CHD1L: variants seen among roughly 807,000 people sequenced by gnomAD.
CHD1L encodes chromodomain helicase DNA binding protein 1 like.
CHD1L carries 118 observed loss-of-function variants against 115.9 expected under a neutral mutation model. The observed-to-expected ratio is 1.02, with a 90% confidence interval of 0.88 to 1.19. The LOEUF (loss-of-function observed/expected upper bound fraction) is 1.19, where lower values mean the gene tolerates loss of function less well. CHD1L is among the 50% of genes most tolerant of loss of function. The pLI, the probability that CHD1L is intolerant of heterozygous loss-of-function variation, is 0.00. For missense variants in CHD1L, 1,179 were observed against 1,065.3 expected, an observed-to-expected ratio of 1.11 and a Z score of -1.49; for synonymous variants, 411 against 387.1, an observed-to-expected ratio of 1.06 and a Z score of -0.72.
rs587768473 is a variant in CHD1L, at chr1:147,264,551, C to T, written c.706C>T (p.Arg236Cys). Residue 236 changes from arginine to cysteine, a missense_variant, in exon 7 of 23, where the codon CGC (arginine) becomes TGC (cysteine). Arg to Cys is a radical substitution (Grantham distance 180). Coordinates refer to ENST00000369258, the MANE Select transcript of CHD1L (RefSeq NM_004284.6). Reference protein sequence around the residue: ...SKEEVGDFIQRYQDIEKESES... With the variant: ...SKEEVGDFIQCYQDIEKESES... Reference sequence around the variant, plus strand: ...GGAAGAGGTGGGAGATTTTATTCAACGCTACCAGGATATTGAGAAAGAATC... The same window carrying T: ...GGAAGAGGTGGGAGATTTTATTCAATGCTACCAGGATATTGAGAAAGAATC... 2.0e-5 allele frequency: 32 copies of T among 1,613,904 alleles called. No individual in the cohort carries two copies. Among genetic ancestry groups the T allele is most frequent in the South Asian group, 1.6e-4 (15 of 91,028 alleles).
In CHD1L at chr1:147,294,417, C is replaced by T. The variant is rs2103041406; in HGVS notation, c.2515C>T (p.His839Tyr). The T allele has an allele frequency of 6.2e-7, 1 of 1,609,276 alleles. No individual in the cohort carries two copies. The highest frequency in any genetic ancestry group is 8.5e-7 in the Non-Finnish European group (1 of 1,177,838). Reference sequence around the variant, plus strand: ...TCTTCTCTTCATAATAGCAAGTGTTCATCTTCCACGTATTGGACATGCCAC... The same window carrying T: ...TCTTCTCTTCATAATAGCAAGTGTTTATCTTCCACGTATTGGACATGCCAC... ...LAAKKKKASV[H>Y]LPRIGHATKG... The change falls in exon 22 of 23, where the codon CAT becomes TAT. Residue 839 changes from histidine (H) to tyrosine (Y), a missense_variant. Transcript: ENST00000369258.
chr1:147,205,501 A>T, the CHD1L span, among the ~76,000 whole-genome samples: 1 of 152,118 alleles, frequency 6.6e-6, no homozygotes, highest in African/African-American at 2.4e-5. Context: ...AAATTTAGAG[A>T]CTCTCTACAA....
the CHD1L span, among the ~76,000 whole-genome samples, chr1:147,183,059 G>A: frequency 1.3e-3 from 196 of 152,268 alleles, 1 homozygote; most frequent in African/African-American, 4.5e-3. Context: ...TTAGCCAGGC[G>A]TGGTGGCGGA....
the CHD1L span, among the ~76,000 whole-genome samples, chr1:147,202,071 T>A: frequency 5.9e-5 from 9 of 152,330 alleles, no homozygotes; most frequent in Admixed American, 5.9e-4. Flanking sequence ...AATTGAGGCC[T>A]AGAAAAGTTA....
chr1:147,268,773 C>G lies in CHD1L; in HGVS notation c.989-9C>G, dbSNP rs782375131. 1 of 1,611,614 alleles carries G rather than the reference C, an allele frequency of 6.2e-7. No homozygotes were observed. The highest frequency in any genetic ancestry group is 1.3e-5 in the African/African-American group (1 of 74,856). ...GCACATTACTGGGAGTGGGTTCTTT[C>G]TTTTCTAGGTGTGGAGCCGGAGCCT... On this transcript the variant is annotated splice_polypyrimidine_tract_variant and intron_variant, in intron 9 of 22. Transcript: ENST00000369258.
In CHD1L at chr1:147,281,493, T is replaced by G. The variant is rs1572069911; in HGVS notation, c.1705+1302T>G. On this transcript the variant is annotated intron_variant, in intron 15 of 22. Transcript: ENST00000369258. The stretch of plus-strand genomic sequence containing the variant: ...TCCTTGTTGATCTGTATAGTTTTTG[T>G]GGGATAGGTGGAAAAGTTGGAATTT... Among the ~76,000 whole-genome samples the G allele has an allele frequency of 2.0e-5, 3 of 152,204 alleles. No homozygotes were observed. The South Asian group carries it at 6.2e-4, about 31-fold the overall frequency.
Position 147,272,195 on chromosome 1 carries a change from G to C in CHD1L, c.1184G>C (p.Gly395Ala). 1 of 1,614,096 alleles carries C rather than the reference G, an allele frequency of 6.2e-7. No homozygotes were observed. Among genetic ancestry groups the C allele is most frequent in the African/African-American group, 1.3e-5 (1 of 75,052 alleles). Residue 395 changes from glycine to alanine, a missense_variant, in exon 12 of 23, where the codon GGT becomes GCT. Coordinates refer to ENST00000369258, the MANE Select transcript of CHD1L (RefSeq NM_004284.6). ...YRGYSYERVD[G>A]SVRGEERHLA... ...GGCTACAGCTATGAGCGTGTGGATG[G>C]TTCTGTGAGAGGAGAAGAGAGACAC...
At chr1:147,233,188 G>T in the CHD1L span, among the ~76,000 whole-genome samples, 2 of 150,198 alleles carry the variant, frequency 1.3e-5, no homozygotes, top group Non-Finnish European at 3.0e-5. Context: ...CTGCCCAGCC[G>T]CCCCGTCTGA....
chr1:147,202,902 TAAC>T, the CHD1L span, among the ~76,000 whole-genome samples: 7 of 152,124 alleles, frequency 4.6e-5, no homozygotes, highest in African/African-American at 1.7e-4. Context: ...TTTCTCCTCT[TAAC>T]ATCCCCAAGA....
chr1:147,286,019 T>C (rs1310795699), intron 17 of CHD1L, among the ~76,000 whole-genome samples: 1 of 152,160 alleles, frequency 6.6e-6, no homozygotes, highest in Non-Finnish European at 1.5e-5. Context: ...TTTTAAGATT[T>C]TATTGTAGCT....
At position 147,294,414 on chromosome 1, in the gene CHD1L, G is replaced by C. The variant is rs369192147; in HGVS notation, c.2512G>C (p.Val838Leu). Reference protein sequence around the residue: ...FLAAKKKKASVHLPRIGHATK... With the variant: ...FLAAKKKKASLHLPRIGHATK... The stretch of plus-strand genomic sequence containing the variant: ...TGTTCTTCTCTTCATAATAGCAAGT[G>C]TTCATCTTCCACGTATTGGACATGC... Residue 838 changes from valine (V) to leucine (L), a missense_variant, in exon 22 of 23, where the codon GTT becomes CTT. Transcript: ENST00000369258. 1.2e-6 allele frequency: 2 copies of C among 1,609,256 alleles called. No homozygotes were observed. The highest frequency in any genetic ancestry group is 1.7e-6 in the Non-Finnish European group (2 of 1,177,842).
chr1:147,288,340 AAAAAAAG>A (rs1684172426), intron 19 of CHD1L, among the ~76,000 whole-genome samples: 2 of 956 alleles, frequency 2.1e-3, no homozygotes, highest in African/African-American at 2.9e-3. Context: ...AAAAAAAAAA[AAAAAAAG>A]AAAAAGAGAA....
the CHD1L span, chr1:147,186,521 C>T: frequency 1.0e-5 from 10 of 996,536 alleles, no homozygotes; most frequent in South Asian, 1.4e-4. Context: ...AGAAGAGTTA[C>T]GTGGAGTAAG....
chr1:147,259,833 A>T lies in CHD1L; in HGVS notation c.495-4A>T. 6.2e-7 allele frequency: 1 copy of T among 1,607,772 alleles called. No individual in the cohort carries two copies. The highest frequency in any genetic ancestry group is 1.1e-5 in the South Asian group (1 of 90,804). On this transcript the variant is annotated splice_polypyrimidine_tract_variant and splice_region_variant and intron_variant, in intron 5 of 22. Coordinates refer to ENST00000369258, the MANE Select transcript of CHD1L (RefSeq NM_004284.6). Reference sequence around the variant, plus strand: ...AAACTGAAAGCTTGGGTTTTCTCTCACAGATTCCCTTGGAGTGTTCTTGTT... The same window carrying T: ...AAACTGAAAGCTTGGGTTTTCTCTCTCAGATTCCCTTGGAGTGTTCTTGTT...
chr1:147,189,998 A>C, the CHD1L span, among the ~76,000 whole-genome samples: 594 of 152,224 alleles, frequency 3.9e-3, 4 homozygotes, highest in African/African-American at 0.014. Context: ...TTTCTTACCC[A>C]TATTTAGACT....
At chr1:147,263,595 C>G (rs1553945744) in intron 6 of CHD1L, among the ~76,000 whole-genome samples, 2 of 151,986 alleles carry the variant, frequency 1.3e-5, no homozygotes, top group African/African-American at 2.4e-5. Context: ...CTTCATGTCT[C>G]TCTTACTCTT....
intron 14 of CHD1L, among the ~76,000 whole-genome samples, chr1:147,276,932 A>G (rs587596334): frequency 6.6e-6 from 1 of 152,298 alleles, no homozygotes; most frequent in South Asian, 2.1e-4. Flanking sequence ...AGATGCAGGT[A>G]TGAAGGGAGT....
chr1:147,209,596 T>C, the CHD1L span: 1 of 153,026 alleles, frequency 6.5e-6, no homozygotes, highest in Non-Finnish European at 1.5e-5. Context: ...TGTTTTGCTC[T>C]AATACACCGT....
At chr1:147,268,347 T>G (rs1284669958) in intron 9 of CHD1L, among the ~76,000 whole-genome samples, 1 of 152,182 alleles carries the variant, frequency 6.6e-6, no homozygotes, top group Non-Finnish European at 1.5e-5. Context: ...TGCAGTCATT[T>G]TAAGGGAATC....
Sources: allele counts gnomAD v4.1 joint callset (sites outside exome capture counted in the v4.1 genomes callset), GRCh38; gene constraint gnomAD v4.1.1; transcripts MANE v1.5; gene names NCBI Gene and HGNC (gene_info 2026-07-23, HGNC 2026-07-21).